NALCN: variants seen among roughly 807,000 people sequenced by gnomAD.
The protein encoded by NALCN is sodium leak channel NALCN.
NALCN carries 111 observed loss-of-function variants against 225.3 expected under a neutral mutation model. The ratio of observed to expected loss-of-function variants is 0.49; its 90% confidence interval spans 0.42 to 0.58. The LOEUF (loss-of-function observed/expected upper bound fraction) is 0.58. NALCN is among the 20% of genes least tolerant of loss of function. NALCN has a pLI of 0.00. For missense variants in NALCN, 1,378 were observed against 2,202.4 expected, an observed-to-expected ratio of 0.63 and a Z score of 7.49; for synonymous variants, 764 against 769.0, an observed-to-expected ratio of 0.99 and a Z score of 0.11.
At chr13:101,196,937 T>C (rs2039914800) in intron 13 of NALCN, among the ~76,000 whole-genome samples, 1 of 152,136 alleles carries the variant, frequency 6.6e-6, no homozygotes, top group Admixed American at 6.6e-5. Flanking sequence ...TCTTGAAGCT[T>C]CTGTTTTTGT....
intron 15 of NALCN, among the ~76,000 whole-genome samples, chr13:101,150,050 A>C (rs1200770366): frequency 2.7e-5 from 4 of 150,542 alleles, no homozygotes; most frequent in Non-Finnish European, 5.9e-5. Context: ...ATTTGGGTTT[A>C]TTTAAATATT....
chr13:101,093,313 G>A (rs957064994), intron 28 of NALCN, among the ~76,000 whole-genome samples: 10 of 152,122 alleles, frequency 6.6e-5, no homozygotes, highest in African/African-American at 2.4e-4. Flanking sequence ...TTCCTCTAGT[G>A]TATTCCTAGA....
chr13:101,232,284 T>C (rs7323700), intron 12 of NALCN, among the ~76,000 whole-genome samples: 41,060 of 152,018 alleles, frequency 0.27, 6,571 homozygotes, highest in Non-Finnish European at 0.37. Context: ...GCAAATGATA[T>C]GGTTTACAGC....
intron 28 of NALCN, among the ~76,000 whole-genome samples, chr13:101,093,589 T>C (rs1368804461): frequency 1.3e-5 from 2 of 152,198 alleles, no homozygotes; most frequent in Admixed American, 1.3e-4. Flanking sequence ...CCCCTAATAA[T>C]ACCTTCCATA....
rs145081604 is a variant in NALCN at position 101,358,219 on chromosome 13, C to G, written c.645-12799G>C. Among the ~76,000 whole-genome samples the G allele has an allele frequency of 2.6e-5, 4 of 152,232 alleles. No individual in the cohort carries two copies. The East Asian group carries it at 5.8e-4, about 22-fold the overall frequency. ...AACTAGAAGTACTAAAGAGCTTATG[C>G]ACAGCAAAAGAAACTATCATCAGAG... On this transcript the variant is annotated intron_variant, in intron 6 of 43. Coordinates refer to ENST00000251127, the MANE Select transcript of NALCN (RefSeq NM_052867.4).
chr13:101,401,947 G>A (rs2047489977), intron 1 of NALCN, among the ~76,000 whole-genome samples: 1 of 152,272 alleles, frequency 6.6e-6, no homozygotes, highest in Admixed American at 6.5e-5. Context: ...TTAATTTGAG[G>A]TGGTTGATTG....
Position 101,262,873 on chromosome 13 carries a change from C to T in NALCN, c.1135-4299G>A, listed in dbSNP as rs189036017. Among the ~76,000 whole-genome samples, 14 of 152,230 alleles carry T rather than the reference C, an allele frequency of 9.2e-5. No homozygotes were observed. In the East Asian group the frequency reaches 2.7e-3, roughly 29 times the overall value. ...CATTGATAAAGTGGAGAAAATAGTA[C>T]CTACTCCAAAGACTTGTTATTAATT... On this transcript the variant is annotated intron_variant, in intron 10 of 43. Transcript: ENST00000251127.
At chr13:101,289,467 C>T (rs958939894) in intron 9 of NALCN, among the ~76,000 whole-genome samples, 2 of 151,540 alleles carry the variant, frequency 1.3e-5, no homozygotes, top group Non-Finnish European at 2.9e-5. Context: ...CTGTCAGAGC[C>T]AGTTCCTAGT....
intron 1 of NALCN, among the ~76,000 whole-genome samples, chr13:101,400,353 C>T (rs746012610): frequency 1.1e-4 from 17 of 151,656 alleles, no homozygotes; most frequent in South Asian, 2.1e-4. Flanking sequence ...TTTCTCAAGG[C>T]GGGTAACAGA....
chr13:101,234,873 A>G (rs1257788391), intron 12 of NALCN, among the ~76,000 whole-genome samples: 3 of 150,706 alleles, frequency 2.0e-5, no homozygotes, highest in Admixed American at 1.3e-4. Flanking sequence ...CTATCTATCT[A>G]TCATCTGTCT....
intron 13 of NALCN, among the ~76,000 whole-genome samples, chr13:101,208,905 G>A (rs935540632): frequency 4.6e-5 from 7 of 152,198 alleles, no homozygotes; most frequent in Non-Finnish European, 8.8e-5. Context: ...AGAATGGTGA[G>A]CCAATTAAAC....
Position 101,055,350 on chromosome 13 carries a change from G to C in NALCN, c.5162C>G (p.Thr1721Ser). Residue 1721 changes from threonine (T) to serine (S), a missense_variant, in exon 44 of 44, where the codon ACC (threonine) becomes AGC (serine). Around this residue, in one of 19 missense-constraint regions of NALCN, gnomAD observed 145 missense variants for 169.6 expected, o/e 0.85. Coordinates refer to ENST00000251127, the MANE Select transcript of NALCN (RefSeq NM_052867.4). ...GTCGCTCTCCACAGTCAGCTGCCGG[G>C]TCCACCACTTCTTAACTTCAGAACC... is the stretch of plus-strand genomic sequence containing the variant. Reference protein sequence around the residue: ...SCGSEVKKWWTRQLTVESDES... With the variant: ...SCGSEVKKWWSRQLTVESDES... 6.2e-7 allele frequency: 1 copy of C among 1,614,070 alleles called. No homozygotes were observed. Among genetic ancestry groups the C allele is most frequent in the Admixed American group, 1.7e-5 (1 of 60,010 alleles).
chr13:101,181,619 G>A (rs996822833), intron 14 of NALCN, among the ~76,000 whole-genome samples: 2 of 151,820 alleles, frequency 1.3e-5, no homozygotes, highest in African/African-American at 4.8e-5. Flanking sequence ...CATGCCTGTG[G>A]CCCCAGCTAC....
intron 1 of NALCN, among the ~76,000 whole-genome samples, chr13:101,407,255 T>C (rs2047651207): frequency 6.6e-6 from 1 of 152,210 alleles, no homozygotes; most frequent in South Asian, 2.1e-4. Context: ...AAGTTTCCAA[T>C]CATAATATGT....
intron 6 of NALCN, among the ~76,000 whole-genome samples, chr13:101,363,362 A>C (rs576436900): frequency 6.6e-6 from 1 of 152,280 alleles, no homozygotes; most frequent in Non-Finnish European, 1.5e-5. Context: ...TAGCAACCAA[A>C]CCAGCATGGT....
intron 6 of NALCN, among the ~76,000 whole-genome samples, chr13:101,348,198 G>A (rs1812188443): frequency 6.6e-6 from 1 of 152,122 alleles, no homozygotes; most frequent in South Asian, 2.1e-4. Context: ...GATATTTGGA[G>A]AAGAAATTGG....
chr13:101,076,013 CT>C, intron 34 of NALCN, 72 bp from the exon 35 acceptor site: 2 of 1,318,020 alleles, frequency 1.5e-6, no homozygotes, highest in Non-Finnish European at 2.1e-6. Flanking sequence ...TTTTTTAAGC[CT>C]TCTGTGAAGT....
chr13:101,102,891 G>A (rs2034899502), intron 26 of NALCN, among the ~76,000 whole-genome samples: 1 of 152,132 alleles, frequency 6.6e-6, no homozygotes, highest in African/African-American at 2.4e-5. Context: ...ACCCAGAGTA[G>A]GAATTAGAGT....
chr13:101,115,389 C>A (rs2035657873), intron 18 of NALCN, among the ~76,000 whole-genome samples: 1 of 152,160 alleles, frequency 6.6e-6, no homozygotes, highest in Admixed American at 6.6e-5. Flanking sequence ...GAACTTAGTT[C>A]AATTTCTTTA....
Sources: gnomAD v4.1 joint callset for allele counts (sites outside exome capture counted in the v4.1 genomes callset) on GRCh38, gnomAD v4.1.1 for gene constraint, gnomAD v4.1.1 regional missense constraint, MANE v1.5 for transcripts, NCBI Gene and HGNC (gene_info 2026-07-23, HGNC 2026-07-21) for gene names.